Variants in RAB11FIP3 observed in about 807,000 individuals in gnomAD.
RAB11FIP3 encodes rab11 family-interacting protein 3.
A neutral mutation model predicts 77.8 loss-of-function variants in RAB11FIP3; 17 were observed. That is an observed-to-expected ratio of 0.22 (90% CI 0.15 to 0.33). RAB11FIP3 has a LOEUF of 0.33. Ranked by LOEUF, RAB11FIP3 falls within the 10% of genes least tolerant of loss-of-function variation. The probability of loss-of-function intolerance (pLI) is 1.00; values close to 1 mark genes in which losing one functional copy is unlikely to be tolerated. For missense variants in RAB11FIP3, 1,005 were observed against 1,011.2 expected, an observed-to-expected ratio of 0.99 and a Z score of 0.08; for synonymous variants, 437 against 448.2, an observed-to-expected ratio of 0.98 and a Z score of 0.31.
rs35538165 is a variant in RAB11FIP3, at chr16:488,938, G to A, written c.1203G>A (p.Leu401=). 2,624 of 1,614,018 alleles carry A rather than the reference G, an allele frequency of 1.6e-3. 36 individuals carry two copies. The African/African-American group carries it at 0.032, about 20-fold the overall frequency. The change falls in exon 5 of 14, where the codon CTG becomes CTA. Residue 401 remains leucine, a synonymous_variant. Transcript: ENST00000262305. ...EDYGEGSEAE[L]SPETLCNGQL... Reference sequence around the variant, plus strand: ...ACGGTGAAGGCAGTGAGGCGGAGCTGTCCCCAGAGACCCTATGCAACGGGC... The same window carrying A: ...ACGGTGAAGGCAGTGAGGCGGAGCTATCCCCAGAGACCCTATGCAACGGGC...
At chr16:439,421 T>G (rs1234234404) in intron 1 of RAB11FIP3, 1 of 152,234 alleles carries the variant, frequency 6.6e-6, no homozygotes, top group African/African-American at 2.4e-5. Flanking sequence ...CAAATTGGTA[T>G]TACTCTGGTT....
rs986961739 is a variant in RAB11FIP3 at position 461,265 on chromosome 16, C to A, written c.715-139C>A. On this transcript the variant is annotated intron_variant, in intron 1 of 13. Transcript: ENST00000262305. This position sits in a 1 kb window ranked among gnomAD's most constrained non-coding sequence, Gnocchi z 4.5. ...TGATCTGACAGGAGGGGAGCTCAGG[C>A]GGTAATGCTCCCTCACCTCCTGCTG... 1 of 602,362 alleles carries A rather than the reference C, an allele frequency of 1.7e-6. No individual in the cohort carries two copies. Among genetic ancestry groups the A allele is most frequent in the Non-Finnish European group, 2.9e-6 (1 of 341,192 alleles). 37.3% of individuals were successfully genotyped at this position (602,362 alleles called of 1,614,324 possible). A position where few individuals can be genotyped will look rare whatever the true frequency, so the allele number is the denominator to read the frequency against.
chr16:508,747 C>A (rs1022042105), intron 8 of RAB11FIP3, among the ~76,000 whole-genome samples: 1 of 152,200 alleles, frequency 6.6e-6, no homozygotes. Context: ...TTTCACCATG[C>A]GGCCTCTCCC....
At chr16:474,814 G>A (rs931836827) in intron 3 of RAB11FIP3, 2 of 1,412,626 alleles carry the variant, frequency 1.4e-6, no homozygotes, top group Admixed American at 5.7e-5. Context: ...CCTGAACTTT[G>A]CCTTCCCCTC....
At chr16:437,029 A>T (rs1350775275) in intron 1 of RAB11FIP3, among the ~76,000 whole-genome samples, 1 of 152,044 alleles carries the variant, frequency 6.6e-6, no homozygotes, top group African/African-American at 2.4e-5. Flanking sequence ...TAATCCCAGC[A>T]CTTTGAGAGG....
At position 427,889 on chromosome 16, in the gene RAB11FIP3, GGAGATT is replaced by G. The variant is rs1278411075; in HGVS notation, c.714+1174_714+1179del. 9.3e-4 allele frequency among the ~76,000 whole-genome samples: 141 copies of G among 151,996 alleles called. 2 individuals are homozygous for G. Among genetic ancestry groups the G allele is most frequent in the African/African-American group, 3.2e-3 (132 of 41,320 alleles). ...CCGAGGCGGGCGGATCACGAGGTCA[GGAGATT>G]GAGACCATCCTGGCTAATATGGTGA... On this transcript the variant is annotated intron_variant, in intron 1 of 13. Coordinates refer to ENST00000262305, the MANE Select transcript of RAB11FIP3 (RefSeq NM_014700.4).
At chr16:445,958 G>A (rs1302989403) in intron 1 of RAB11FIP3, among the ~76,000 whole-genome samples, 5 of 152,132 alleles carry the variant, frequency 3.3e-5, no homozygotes, top group Non-Finnish European at 4.4e-5. Flanking sequence ...GCCCCTGTGT[G>A]AGGTGGGGGT....
At chr16:503,197 C>T in intron 7 of RAB11FIP3, 100 bp downstream of exon 7, 1 of 875,238 alleles carries the variant, frequency 1.1e-6, no homozygotes, top group Non-Finnish European at 1.8e-6. Context: ...GACAGCACAG[C>T]CGGAGGTGAC....
Position 426,109 on chromosome 16 carries a change from G to A in RAB11FIP3, c.103G>A (p.Gly35Ser). Residue 35 changes from glycine (G) to serine (S), a missense_variant, in exon 1 of 14, where the codon GGC (glycine) becomes AGC (serine). Gly to Ser is a moderately conservative substitution (Grantham distance 56, BLOSUM62 0). This residue lies in a region of RAB11FIP3 where 466 missense variants were observed against 408.3 expected (regional missense o/e 1.14). Transcript: ENST00000262305. This position sits in a 1 kb window ranked among gnomAD's most constrained non-coding sequence, Gnocchi z 5.0. ...DGPGAAQLAP[G>S]PAELRLGAPV... ...GCCGGGGGCGGCACAACTGGCTCCG[G>A]GCCCTGCGGAGCTACGCCTCGGAGC... 1 of 1,006,820 alleles carries A rather than the reference G, an allele frequency of 9.9e-7. No homozygotes were observed. The highest frequency in any genetic ancestry group is 6.0e-5 in the Admixed American group (1 of 16,726). 62.4% of individuals were successfully genotyped at this position (1,006,820 alleles called of 1,614,324 possible).
At chr16:516,616 C>T (rs1179118247) in intron 9 of RAB11FIP3, among the ~76,000 whole-genome samples, 3 of 152,226 alleles carry the variant, frequency 2.0e-5, no homozygotes, top group Non-Finnish European at 4.4e-5. Flanking sequence ...GTGGCTCACG[C>T]CTGTAACCCC....
At position 510,720 on chromosome 16, in the gene RAB11FIP3, G is replaced by A. The variant is rs917964842; in HGVS notation, c.1560G>A (p.Leu520=). The part of the protein sequence containing the change: ...EQELRACEMV[L]EETRRQKELL... ...AGCTGAGAGCCTGCGAGATGGTCCT[G>A]GAAGAGACCCGGCGTCAGAAGGAGC... Residue 520 remains leucine, a synonymous_variant, in exon 9 of 14, where the codon CTG becomes CTA. Coordinates refer to ENST00000262305, the MANE Select transcript of RAB11FIP3 (RefSeq NM_014700.4). 2.5e-6 allele frequency: 4 copies of A among 1,612,990 alleles called. No individual in the cohort carries two copies. In the African/African-American group the frequency reaches 5.3e-5, roughly 22 times the overall value.
intron 1 of RAB11FIP3, among the ~76,000 whole-genome samples, chr16:460,160 G>C (rs1186258116): frequency 6.6e-6 from 1 of 152,100 alleles, no homozygotes; most frequent in Non-Finnish European, 1.5e-5. Context: ...TTACAGGTGT[G>C]AGCCACCGCA....
intron 1 of RAB11FIP3, among the ~76,000 whole-genome samples, chr16:443,326 C>T (rs1310302369): frequency 1.3e-5 from 2 of 152,034 alleles, no homozygotes; most frequent in African/African-American, 2.4e-5. Flanking sequence ...ATCATGCACG[C>T]TTAAAATAAA....
chr16:499,038 C>A lies in RAB11FIP3; in HGVS notation c.1301+2179C>A, dbSNP rs189017369. ...CCAGCCTGGCCAAAATGGAGAAACCCCATCTCTACTAAAAAAATACAAGAT... is the reference window on the plus strand; with the variant it reads ...CCAGCCTGGCCAAAATGGAGAAACCACATCTCTACTAAAAAAATACAAGAT... On this transcript the variant is annotated intron_variant, in intron 6 of 13. Transcript: ENST00000262305. Among the ~76,000 whole-genome samples the A allele has an allele frequency of 8.2e-4, 125 of 152,102 alleles. 2 individuals carry two copies. Among genetic ancestry groups the A allele is most frequent in the African/African-American group, 2.7e-3 (114 of 41,488 alleles).
intron 9 of RAB11FIP3, among the ~76,000 whole-genome samples, chr16:511,643 G>A (rs538359419): frequency 1.5e-5 from 1 of 67,330 alleles, no homozygotes; most frequent in Admixed American, 1.5e-4. Flanking sequence ...GGTTCCCGAC[G>A]GCCCGCCCAC....
At position 430,502 on chromosome 16, in the gene RAB11FIP3, C is replaced by A. The variant is rs555758197; in HGVS notation, c.714+3782C>A. Among the ~76,000 whole-genome samples, 4 of 152,080 alleles carry A rather than the reference C, an allele frequency of 2.6e-5. No individual in the cohort carries two copies. In the South Asian group the frequency reaches 8.3e-4, roughly 32 times the overall value. On this transcript the variant is annotated intron_variant, in intron 1 of 13. Transcript: ENST00000262305. Reference sequence around the variant, plus strand: ...TCAGATCTCCCTACGTTTTTTTATTCCTGCACCGCTAATGGTGGCAGTAGG... The same window carrying A: ...TCAGATCTCCCTACGTTTTTTTATTACTGCACCGCTAATGGTGGCAGTAGG...
intron 12 of RAB11FIP3, 22 bp downstream of exon 12, chr16:520,299 TC>T: frequency 6.5e-7 from 1 of 1,543,920 alleles, no homozygotes. Context: ...TGGGCCTCCC[TC>T]CCTCACACTC....
intron 6 of RAB11FIP3, among the ~76,000 whole-genome samples, chr16:498,353 T>TTAATAGAGATGGAGTTTCACTA (rs1439758899): frequency 1.3e-5 from 2 of 152,114 alleles, no homozygotes; most frequent in Non-Finnish European, 2.9e-5. Context: ...CTTTTAATTT[T>TTAATAGAGATGGAGTTTCACTA]TAATAGAGAT....
chr16:498,546 G>A (rs1161398908), intron 6 of RAB11FIP3, among the ~76,000 whole-genome samples: 3 of 151,974 alleles, frequency 2.0e-5, no homozygotes, highest in African/African-American at 7.3e-5. Context: ...AGACAGTCTT[G>A]CTCTGTCTTG....
Sources: allele counts gnomAD v4.1 joint callset (sites outside exome capture counted in the v4.1 genomes callset), GRCh38; gene constraint gnomAD v4.1.1; regional missense constraint gnomAD v4.1.1; non-coding constraint Gnocchi (gnomAD v3.1); transcripts MANE v1.5; gene names NCBI Gene and HGNC (gene_info 2026-07-23, HGNC 2026-07-21).